SLC37A3: variants seen among roughly 807,000 people sequenced by gnomAD.
SLC37A3 encodes the protein sugar phosphate exchanger 3.
A neutral mutation model predicts 67.1 loss-of-function variants in SLC37A3; 51 were observed. That is an observed-to-expected ratio of 0.76 (90% confidence interval 0.61 to 0.96). The LOEUF (loss-of-function observed/expected upper bound fraction) is 0.96, where lower values mean the gene tolerates loss of function less well. Among genes scored for constraint, SLC37A3 ranks in the 40% least tolerant of loss-of-function variants. The pLI is 0.00. For missense variants in SLC37A3, 508 were observed against 603.0 expected (o/e 0.84, Z 1.65); for synonymous variants, 214 against 231.4 (o/e 0.92, Z 0.68).
In SLC37A3 at chr7:140,398,398, G is replaced by T. The variant is rs1353853202; in HGVS notation, c.-71+18C>A. On this transcript the variant is annotated intron_variant, in intron 1 of 14. Transcript: ENST00000326232. The stretch of plus-strand genomic sequence containing the variant: ...CGCCCCAGCAGGTCTTCGGCCCCAC[G>T]CATCACCGCTTGCGCACCCGAGATC... 2.6e-5 allele frequency: 4 copies of T among 151,674 alleles called. No individual in the cohort carries two copies. The highest frequency in any genetic ancestry group is 4.4e-5 in the Non-Finnish European group (3 of 67,922). The allele number at this position is 151,674 out of a possible 1,614,324, so 9.4% of individuals were successfully genotyped here. A position where few individuals can be genotyped will look rare whatever the true frequency, so the allele number is the denominator to read the frequency against.
chr7:140,355,599 C>A, intron 7 of SLC37A3, 69 bp downstream of exon 7: 1 of 1,312,392 alleles, frequency 7.6e-7, no homozygotes, highest in Non-Finnish European at 1.1e-6. Context: ...TTATTTAATA[C>A]ATAAAAAGCA....
chr7:140,335,240 A>G lies in SLC37A3; in HGVS notation c.*172T>C. ...AACAGTAATTCCTGTAGTGTAGAAA[A>G]CTAGTGCAGCCTTCACTGCTGGTCA... is the stretch of plus-strand genomic sequence containing the variant. On this transcript the variant is annotated 3_prime_UTR_variant, in exon 15 of 15. Transcript: ENST00000326232. 1 of 1,613,246 alleles carries G rather than the reference A, an allele frequency of 6.2e-7. No homozygotes were observed. Among genetic ancestry groups the G allele is most frequent in the Non-Finnish European group, 8.5e-7 (1 of 1,179,406 alleles).
At chr7:140,348,909 TC>T in intron 9 of SLC37A3, 142 bp from the exon 10 acceptor site, 1 of 989,522 alleles carries the variant, frequency 1.0e-6, no homozygotes, top group Non-Finnish European at 1.5e-6. Flanking sequence ...CTCTACAAAC[TC>T]CCACATGCCT....
chr7:140,357,459 T>C (rs555256952), intron 6 of SLC37A3, among the ~76,000 whole-genome samples: 86 of 150,750 alleles, frequency 5.7e-4, no homozygotes, highest in African/African-American at 2.0e-3. Context: ...AGGCTGGGTG[T>C]GGTGGCTCAT....
At chr7:140,341,006 G>A (rs1796341516) in intron 13 of SLC37A3, among the ~76,000 whole-genome samples, 1 of 151,780 alleles carries the variant, frequency 6.6e-6, no homozygotes, top group African/African-American at 2.4e-5. Context: ...TGTGATCATG[G>A]CTCACTGCAG....
At chr7:140,373,994 T>G (rs753396572) in intron 3 of SLC37A3, among the ~76,000 whole-genome samples, 4 of 152,214 alleles carry the variant, frequency 2.6e-5, no homozygotes, top group Non-Finnish European at 5.9e-5. Context: ...TTTAATTCAT[T>G]AAAAAGCAAT....
intron 13 of SLC37A3, among the ~76,000 whole-genome samples, chr7:140,338,625 C>T (rs546932634): frequency 2.0e-5 from 3 of 152,144 alleles, no homozygotes; most frequent in Admixed American, 6.5e-5. Flanking sequence ...GTGTGAGCCA[C>T]CATGCTCGGC....
rs1796082734 is a variant in SLC37A3 at position 140,335,180 on chromosome 7, C to G, written c.*232G>C. On this transcript the variant is annotated 3_prime_UTR_variant, in exon 15 of 15. Coordinates refer to ENST00000326232, the MANE Select transcript of SLC37A3 (RefSeq NM_207113.3). ...AAGATGCTGGCAGAGTCAGAAGTCACTCGGCACATTCATGAAACAACAGCA... is the reference window on the plus strand; with the variant it reads ...AAGATGCTGGCAGAGTCAGAAGTCAGTCGGCACATTCATGAAACAACAGCA... 1 of 1,562,542 alleles carries G rather than the reference C, an allele frequency of 6.4e-7. No individual in the cohort carries two copies. The highest frequency in any genetic ancestry group is 8.7e-7 in the Non-Finnish European group (1 of 1,147,834).
intron 5 of SLC37A3, among the ~76,000 whole-genome samples, chr7:140,361,552 TCCCTCTCTCTCCA>T (rs1376262940): frequency 1.0e-5 from 1 of 98,554 alleles, no homozygotes; most frequent in Non-Finnish European, 2.0e-5. Flanking sequence ...CCTCTCCGTC[TCCCTCTCTCTCCA>T]CGGTCTCCTT....
chr7:140,364,209 C>A (rs1797504443), intron 5 of SLC37A3, among the ~76,000 whole-genome samples, 199 bp downstream of exon 5: 1 of 150,474 alleles, frequency 6.6e-6, no homozygotes, highest in South Asian at 2.1e-4. Flanking sequence ...TGAGATCGCA[C>A]CACTGCACTC....
intron 8 of SLC37A3, 161 bp from the exon 9 acceptor site, chr7:140,351,612 A>C: frequency 1.5e-6 from 1 of 645,774 alleles, no homozygotes; most frequent in Non-Finnish European, 2.6e-6. Context: ...TTAAAGTCAC[A>C]CAGTCTATCT....
At chr7:140,377,340 C>T (rs766858505) in intron 3 of SLC37A3, among the ~76,000 whole-genome samples, 1 of 152,060 alleles carries the variant, frequency 6.6e-6, no homozygotes, top group Non-Finnish European at 1.5e-5. Flanking sequence ...GGTGGGATTA[C>T]AGGCCTGAGC....
intron 13 of SLC37A3, among the ~76,000 whole-genome samples, chr7:140,340,105 G>A (rs1032475614): frequency 6.6e-6 from 1 of 152,068 alleles, no homozygotes; most frequent in African/African-American, 2.4e-5. Context: ...TTTTTGATTT[G>A]CATTTTCCCA....
chr7:140,336,490 G>A (rs1244845366), intron 14 of SLC37A3, among the ~76,000 whole-genome samples: 1 of 152,218 alleles, frequency 6.6e-6, no homozygotes, highest in Non-Finnish European at 1.5e-5. Context: ...AGAAAGTAGA[G>A]AATCCCAGCC....
intron 6 of SLC37A3, among the ~76,000 whole-genome samples, chr7:140,356,395 C>T (rs1797030769): frequency 6.6e-6 from 1 of 152,044 alleles, no homozygotes; most frequent in African/African-American, 2.4e-5. Context: ...CGAAAAAACA[C>T]TCAAGTGGCC....
At chr7:140,383,461 A>T (rs1798334368) in intron 1 of SLC37A3, among the ~76,000 whole-genome samples, 1 of 152,040 alleles carries the variant, frequency 6.6e-6, no homozygotes, top group South Asian at 2.1e-4. Context: ...ACAAAGTGAG[A>T]CCCCTGACTC....
intron 5 of SLC37A3, among the ~76,000 whole-genome samples, chr7:140,363,760 AAAAAAG>A (rs1563031319): frequency 2.7e-5 from 3 of 109,516 alleles, no homozygotes; most frequent in African/African-American, 3.3e-5. Flanking sequence ...AAAAAAAAAA[AAAAAAG>A]AAAGGAGCGG....
At chr7:140,348,089 T>C (rs959571122) in intron 10 of SLC37A3, among the ~76,000 whole-genome samples, 4 of 152,166 alleles carry the variant, frequency 2.6e-5, no homozygotes, top group Non-Finnish European at 4.4e-5. Flanking sequence ...ATATGAATGG[T>C]CTCTCTGAAA....
chr7:140,347,955 C>G (rs1334952197), intron 10 of SLC37A3, among the ~76,000 whole-genome samples: 2 of 152,118 alleles, frequency 1.3e-5, no homozygotes, highest in East Asian at 3.8e-4. Flanking sequence ...GTACCAAACT[C>G]TATACATACT....
Sources: allele counts gnomAD v4.1 joint callset (sites outside exome capture counted in the v4.1 genomes callset), GRCh38; gene constraint gnomAD v4.1.1; transcripts MANE v1.5; gene names NCBI Gene and HGNC (gene_info 2026-07-23, HGNC 2026-07-21).